BICRA: variants seen among roughly 807,000 people sequenced by gnomAD.
BICRA encodes the protein BRD4-interacting chromatin-remodeling complex-associated protein.
In BICRA, 31 loss-of-function variants were observed where a neutral mutation model predicts 96.9. That is an observed-to-expected ratio of 0.32 (90% confidence interval 0.24 to 0.43). The LOEUF is 0.43. Among genes scored for constraint, BICRA ranks in the 20% least tolerant of loss-of-function variants. BICRA has a pLI of 1.00. For synonymous variants in BICRA, 1,350 were observed against 1,071.8 expected, an observed-to-expected ratio of 1.26 and a Z score of -5.07; for missense variants, 2,283 against 2,190.3, an observed-to-expected ratio of 1.04 and a Z score of -0.84.
At chr19:47,695,562 G>A (rs2123608475) in intron 10 of BICRA, 88 bp downstream of exon 10, 1 of 679,932 alleles carries the variant, frequency 1.5e-6, no homozygotes, top group Non-Finnish European at 2.7e-6. Context: ...GGAGACACTG[G>A]AAGACGCGGA....
chr19:47,642,006 G>A (rs377368982), intron 1 of BICRA, among the ~76,000 whole-genome samples: 5 of 152,240 alleles, frequency 3.3e-5, no homozygotes, highest in Admixed American at 6.5e-5. Flanking sequence ...TTCGTTGTTA[G>A]TGTGTAGAAA....
At chr19:47,682,394 C>T (rs1973079170) in intron 7 of BICRA, among the ~76,000 whole-genome samples, 2 of 152,310 alleles carry the variant, frequency 1.3e-5, no homozygotes, top group South Asian at 4.1e-4. Flanking sequence ...TCTGTTCTTT[C>T]CTAAAATTAT....
At chr19:47,638,048 C>T (rs1029694613) in intron 1 of BICRA, among the ~76,000 whole-genome samples, 1 of 152,186 alleles carries the variant, frequency 6.6e-6, no homozygotes, top group African/African-American at 2.4e-5. Context: ...CCCGGGGCTG[C>T]TCTTCCACTG....
intron 1 of BICRA, among the ~76,000 whole-genome samples, chr19:47,609,609 ACCCCCTCCCCGTCCCGG>A (rs959796254): frequency 6.9e-6 from 1 of 145,726 alleles, no homozygotes; most frequent in Non-Finnish European, 1.5e-5. Flanking sequence ...GGGCGCGGAG[ACCCCCTCCCCGTCCCGG>A]CCCCCTCCCC....
chr19:47,641,565 G>A (rs903991739), intron 1 of BICRA, among the ~76,000 whole-genome samples: 2 of 152,204 alleles, frequency 1.3e-5, no homozygotes, highest in African/African-American at 2.4e-5. Flanking sequence ...CGGGACAGTC[G>A]CTTGAGCCCA....
At chr19:47,671,351 GT>G (rs1348582809) in intron 2 of BICRA, among the ~76,000 whole-genome samples, 1 of 152,112 alleles carries the variant, frequency 6.6e-6, no homozygotes, top group African/African-American at 2.4e-5. Flanking sequence ...GGGTTTTTGG[GT>G]GGGAATGGTG....
intron 1 of BICRA, among the ~76,000 whole-genome samples, chr19:47,634,413 G>C (rs1482500847): frequency 2.0e-5 from 3 of 152,204 alleles, no homozygotes; most frequent in African/African-American, 7.2e-5. Context: ...GCCGAGCCTT[G>C]AAAGTGGCCA....
At chr19:47,694,754 C>T (rs1008048099) in intron 8 of BICRA, 28 bp downstream of exon 8, 1 of 1,196,028 alleles carries the variant, frequency 8.4e-7, no homozygotes, top group South Asian at 1.4e-5. Flanking sequence ...CTGCCCGCCC[C>T]ATCAGCCCCA....
Position 47,681,014 on chromosome 19 carries a change from C to A in BICRA, c.1844C>A (p.Ala615Asp). The change falls in exon 6 of 15, where the codon GCC becomes GAC. Residue 615 changes from alanine (A) to aspartate (D), a missense_variant. Physicochemically the swap from Ala to Asp is moderately radical, Grantham distance 126. Transcript: ENST00000594866. ...ACCCCTGCCGCTGCCACCGGGGAGG[C>A]CGCGCCTGTCCTCACGGTGCAGCCT... ...PATPAAATGE[A>D]APVLTVQPAP... 6.9e-7 allele frequency: 1 copy of A among 1,447,418 alleles called. No homozygotes were observed. Among genetic ancestry groups the A allele is most frequent in the Non-Finnish European group, 9.0e-7 (1 of 1,109,244 alleles). The allele number at this position is 1,447,418 out of a possible 1,614,324, so 89.7% of individuals were successfully genotyped here.
intron 1 of BICRA, among the ~76,000 whole-genome samples, chr19:47,659,691 C>T (rs995406902): frequency 1.5e-4 from 17 of 112,676 alleles, no homozygotes; most frequent in Non-Finnish European, 2.6e-4. Flanking sequence ...TGCATACACA[C>T]ACACACACAC....
rs1396593429 is a variant in BICRA at position 47,702,287 on chromosome 19, C to T, written c.4555C>T (p.Pro1519Ser). The change falls in exon 15 of 15, where the codon CCC becomes TCC. Residue 1519 changes from proline to serine, a missense_variant. Transcript: ENST00000594866. ...LNLQQAPGRT[P>S]APSYPHAASA... ...CCTGCAGCAGGCCCCCGGCCGGACG[C>T]CCGCGCCCTCGTACCCCCACGCTGC... 6.3e-7 allele frequency: 1 copy of T among 1,593,274 alleles called. No homozygotes were observed. Among genetic ancestry groups the T allele is most frequent in the African/African-American group, 1.4e-5 (1 of 73,976 alleles).
intron 1 of BICRA, among the ~76,000 whole-genome samples, chr19:47,626,719 T>G (rs1277597847): frequency 1.3e-4 from 4 of 30,438 alleles, no homozygotes; most frequent in Admixed American, 3.8e-4. Context: ...CATCCTGGGT[T>G]TTTTTTTTTT....
At chr19:47,612,878 C>T (rs142955403) in intron 1 of BICRA, among the ~76,000 whole-genome samples, 47 of 152,116 alleles carry the variant, frequency 3.1e-4, no homozygotes, top group Middle Eastern at 6.8e-3. Context: ...CCCTTATCCC[C>T]GCAGCCACTG....
At chr19:47,684,593 G>C (rs1370718325) in intron 7 of BICRA, among the ~76,000 whole-genome samples, 1 of 152,052 alleles carries the variant, frequency 6.6e-6, no homozygotes, top group African/African-American at 2.4e-5. Flanking sequence ...GTGCTGGGAT[G>C]ACAGGTGTGA....
Position 47,673,672 on chromosome 19 carries a change from C to A in BICRA, c.42-48C>A, listed in dbSNP as rs373675820. On this transcript the variant is annotated intron_variant, in intron 3 of 14. Coordinates refer to ENST00000594866, the MANE Select transcript of BICRA (RefSeq NM_001394372.1). ...TGTCTCAACCCCCTCCCTTCCCTCC[C>A]CTCCCCAGCTCCTTACCTCCTCAGC... 2.1e-5 allele frequency: 33 copies of A among 1,575,314 alleles called. No homozygotes were observed. In the African/African-American group the frequency reaches 4.2e-4, roughly 20 times the overall value.
At chr19:47,682,280 C>A in intron 7 of BICRA, 128 bp downstream of exon 7, 6 of 566,490 alleles carry the variant, frequency 1.1e-5, no homozygotes, top group Non-Finnish European at 1.6e-5. Context: ...CAGAGCTCTC[C>A]TTCACCCCCC....
chr19:47,680,207 G>A lies in BICRA; in HGVS notation c.1037G>A (p.Arg346His), dbSNP rs1599847952. ...CCGGCGCCCAACGTGATCCTGCATC[G>A]CACACCCACGCCCATCCAGCCCAAG... is the stretch of plus-strand genomic sequence containing the variant. ...LVPAPNVILH[R>H]TPTPIQPKPA... The change falls in exon 6 of 15, where the codon CGC (arginine) becomes CAC (histidine). Residue 346 changes from arginine (R) to histidine (H), a missense_variant. Transcript: ENST00000594866. The A allele has an allele frequency of 6.4e-7, 1 of 1,553,482 alleles. No individual in the cohort carries two copies. Among genetic ancestry groups the A allele is most frequent in the Non-Finnish European group, 8.6e-7 (1 of 1,158,406 alleles).
intron 1 of BICRA, among the ~76,000 whole-genome samples, chr19:47,667,957 G>A (rs1047700370): frequency 3.3e-5 from 5 of 152,090 alleles, no homozygotes; most frequent in African/African-American, 7.2e-5. Context: ...GGTGGGGTGC[G>A]GTGGCTCATG....
intron 1 of BICRA, among the ~76,000 whole-genome samples, chr19:47,653,524 C>T (rs1222982014): frequency 6.6e-6 from 1 of 152,170 alleles, no homozygotes; most frequent in Non-Finnish European, 1.5e-5. Flanking sequence ...ATTTCTCCCT[C>T]CCCGCAGTCC....
Sources: gnomAD v4.1 joint callset for allele counts (sites outside exome capture counted in the v4.1 genomes callset) on GRCh38, gnomAD v4.1.1 for gene constraint, MANE v1.5 for transcripts, NCBI Gene and HGNC (gene_info 2026-07-23, HGNC 2026-07-21) for gene names.